Variants in SHQ1 observed in about 807,000 individuals in gnomAD.
SHQ1 encodes protein SHQ1 homolog.
Under a neutral mutation model 53.8 loss-of-function variants are expected in SHQ1, and 49 were observed. That is an observed-to-expected ratio of 0.91 (90% CI 0.72 to 1.16). SHQ1 has a LOEUF of 1.16. SHQ1 is among the 50% of genes most tolerant of loss of function. The probability of loss-of-function intolerance (pLI) is 0.00; values close to 1 mark genes in which losing one functional copy is unlikely to be tolerated. For missense variants in SHQ1, 738 were observed against 683.1 expected, an observed-to-expected ratio of 1.08 and a Z score of -0.90; for synonymous variants, 243 against 251.0, an observed-to-expected ratio of 0.97 and a Z score of 0.30.
intron 10 of SHQ1, among the ~76,000 whole-genome samples, chr3:72,784,207 C>T (rs796421324): frequency 6.8e-6 from 1 of 147,594 alleles, no homozygotes; most frequent in Non-Finnish European, 1.5e-5. Context: ...AAACCTTTAA[C>T]ATTCAAATAT....
chr3:72,821,500 C>T (rs1040646946), intron 6 of SHQ1, among the ~76,000 whole-genome samples: 4 of 152,106 alleles, frequency 2.6e-5, no homozygotes, highest in African/African-American at 7.2e-5. Flanking sequence ...GTGATGAAAA[C>T]GACAAGAATT....
In SHQ1 at chr3:72,773,839, T is replaced by C. The variant is rs559811347; in HGVS notation, c.1181+19077A>G. 3.3e-4 allele frequency among the ~76,000 whole-genome samples: 51 copies of C among 152,258 alleles called. 1 individual carries two copies. The highest frequency in any genetic ancestry group is 1.1e-3 in the African/African-American group (46 of 41,542). The stretch of plus-strand genomic sequence containing the variant: ...CGACAAGACCAAAAACCCAAAAACA[T>C]CTGAAGTCACAACTGGTTCCCAAAT... On this transcript the variant is annotated intron_variant, in intron 10 of 10. Transcript: ENST00000325599.
rs142274609 is a variant in SHQ1 at position 72,848,110 on chromosome 3, G to C, written c.143+88C>G. ...GTCGGGAAAAGGCATTCGCGCAATCGAGCACTGCTCTCTCGACCTTGCATT... is the reference window on the plus strand; with the variant it reads ...GTCGGGAAAAGGCATTCGCGCAATCCAGCACTGCTCTCTCGACCTTGCATT... On this transcript the variant is annotated intron_variant, in intron 1 of 10. Transcript: ENST00000325599. 7.3e-6 allele frequency: 11 copies of C among 1,516,312 alleles called. No individual in the cohort carries two copies. In the Admixed American group the frequency reaches 1.7e-4, roughly 24 times the overall value. The allele number at this position is 1,516,312 out of a possible 1,614,324, so 93.9% of individuals were successfully genotyped here.
At chr3:72,799,423 AAAG>A (rs1281273096) in intron 9 of SHQ1, among the ~76,000 whole-genome samples, 1 of 152,238 alleles carries the variant, frequency 6.6e-6, no homozygotes, top group Non-Finnish European at 1.5e-5. Context: ...TTGACCATAA[AAAG>A]AGAGAAGGAA....
intron 6 of SHQ1, among the ~76,000 whole-genome samples, chr3:72,817,992 C>T (rs1358451063): frequency 1.3e-5 from 2 of 151,776 alleles, no homozygotes; most frequent in Admixed American, 6.6e-5. Flanking sequence ...TCTTCTTCTG[C>T]TTGGCACCTT....
intron 10 of SHQ1, among the ~76,000 whole-genome samples, chr3:72,754,361 G>A (rs2106705536): frequency 6.6e-6 from 1 of 151,090 alleles, no homozygotes; most frequent in South Asian, 2.1e-4. Context: ...TCTGCAAAGT[G>A]TTCTTCTCTT....
intron 1 of SHQ1, among the ~76,000 whole-genome samples, chr3:72,844,696 T>C (rs1341610758): frequency 6.6e-6 from 1 of 152,184 alleles, no homozygotes; most frequent in Non-Finnish European, 1.5e-5. Flanking sequence ...TAGTTATCAC[T>C]ATTGTTATAA....
At chr3:72,844,892 C>G (rs1354585337) in intron 1 of SHQ1, among the ~76,000 whole-genome samples, 1 of 152,158 alleles carries the variant, frequency 6.6e-6, no homozygotes, top group African/African-American at 2.4e-5. Context: ...AAACTATCTT[C>G]TGGCTATATG....
At chr3:72,828,704 A>G (rs1173481466) in intron 5 of SHQ1, among the ~76,000 whole-genome samples, 3 of 152,088 alleles carry the variant, frequency 2.0e-5, no homozygotes, top group African/African-American at 7.2e-5. Flanking sequence ...CAAAAAAAAG[A>G]GAGAGAAAAG....
At chr3:72,764,055 G>T (rs1396449429) in intron 10 of SHQ1, among the ~76,000 whole-genome samples, 2 of 151,202 alleles carry the variant, frequency 1.3e-5, no homozygotes, top group African/African-American at 4.9e-5. Context: ...GCAAGGCACA[G>T]AAAAGTTTTC....
chr3:72,792,055 G>A (rs1278905817), intron 10 of SHQ1, among the ~76,000 whole-genome samples: 1 of 152,206 alleles, frequency 6.6e-6, no homozygotes, highest in South Asian at 2.1e-4. Context: ...GCTCATTTGT[G>A]AGTGTTCAGA....
intron 9 of SHQ1, among the ~76,000 whole-genome samples, chr3:72,805,597 C>T (rs532252561): frequency 6.6e-6 from 1 of 152,172 alleles, no homozygotes; most frequent in African/African-American, 2.4e-5. Context: ...GGGATTTCTA[C>T]ACTGCTCAGC....
intron 10 of SHQ1, among the ~76,000 whole-genome samples, chr3:72,792,244 A>C (rs1706461199): frequency 6.6e-6 from 1 of 152,210 alleles, no homozygotes; most frequent in South Asian, 2.1e-4. Flanking sequence ...ACTCTACTGT[A>C]AGTGAAATAC....
At position 72,848,222 on chromosome 3, in the gene SHQ1, A is replaced by G. The variant is rs1196818301; in HGVS notation, c.119T>C (p.Phe40Ser). ...CCTGAGAAAGTATGGCTTGGCGTAG[A>G]ACTTGAAGTCAGACCCCTCGAAGTA... ...DVYFEGSDFK[F>S]YAKPYFLRLT... The change falls in exon 1 of 11, where the codon TTC (phenylalanine) becomes TCC (serine). Residue 40 changes from phenylalanine to serine, a missense_variant. Transcript: ENST00000325599. 6.2e-7 allele frequency: 1 copy of G among 1,614,038 alleles called. No homozygotes were observed. The highest frequency in any genetic ancestry group is 8.5e-7 in the Non-Finnish European group (1 of 1,180,024).
intron 6 of SHQ1, among the ~76,000 whole-genome samples, chr3:72,819,794 G>A (rs1707422363): frequency 6.6e-6 from 1 of 152,186 alleles, no homozygotes; most frequent in Non-Finnish European, 1.5e-5. Context: ...TGCCTCATTG[G>A]AGGACGCATC....
intron 4 of SHQ1, among the ~76,000 whole-genome samples, chr3:72,840,560 C>CAAAAAAAAAAAAA (rs572046519): frequency 1.0e-5 from 1 of 97,376 alleles, no homozygotes; most frequent in Non-Finnish European, 2.3e-5. Context: ...GACTCCGTCT[C>CAAAAAAAAAAAAA]AAAAAAAAAA....
intron 10 of SHQ1, among the ~76,000 whole-genome samples, chr3:72,770,341 T>G (rs1273936006): frequency 6.6e-6 from 1 of 152,170 alleles, no homozygotes; most frequent in Non-Finnish European, 1.5e-5. Context: ...GAGCCCATAC[T>G]CTTAACCATA....
chr3:72,828,999 G>A (rs948460397), intron 5 of SHQ1, among the ~76,000 whole-genome samples: 4 of 151,492 alleles, frequency 2.6e-5, no homozygotes, highest in Non-Finnish European at 5.9e-5. Flanking sequence ...GTTAGTGAGT[G>A]CTGCACTAAA....
downstream of SHQ1, among the ~76,000 whole-genome samples, chr3:72,747,164 A>G (rs1440779679): frequency 6.6e-6 from 1 of 152,218 alleles, no homozygotes; most frequent in African/African-American, 2.4e-5. Context: ...TTCCTCCTCA[A>G]AGCAAATTGG....
Sources: allele counts gnomAD v4.1 joint callset (sites outside exome capture counted in the v4.1 genomes callset), GRCh38; gene constraint gnomAD v4.1.1; transcripts MANE v1.5; gene names NCBI Gene and HGNC (gene_info 2026-07-23, HGNC 2026-07-21).